CNTN4: variants seen among roughly 807,000 people sequenced by gnomAD.
The protein encoded by CNTN4 is contactin-4.
In CNTN4, 77 loss-of-function variants were observed where a neutral mutation model predicts 122.5. The ratio of observed to expected loss-of-function variants is 0.63; its 90% confidence interval spans 0.52 to 0.76. The LOEUF is 0.76. CNTN4 is among the 30% of genes least tolerant of loss of function. The probability of loss-of-function intolerance (pLI) is 0.00; values close to 1 mark genes in which losing one functional copy is unlikely to be tolerated. For synonymous variants in CNTN4, 512 were observed against 447.0 expected (o/e 1.15, Z -1.83); for missense variants, 1,256 against 1,259.1 (o/e 1.00, Z 0.04).
At position 2,844,044 on chromosome 3, in the gene CNTN4, A is replaced by G. The variant is rs2150552367; in HGVS notation, c.455-22708A>G. On this transcript the variant is annotated intron_variant, in intron 7 of 24. Coordinates refer to ENST00000418658, the MANE Select transcript of CNTN4 (RefSeq NM_175607.3). Reference sequence around the variant, plus strand: ...CCCACAACCCCCATCCTTCTGTTCCATATACTGTTTCTCAAAGACATGAAA... The same window carrying G: ...CCCACAACCCCCATCCTTCTGTTCCGTATACTGTTTCTCAAAGACATGAAA... 1.3e-5 allele frequency among the ~76,000 whole-genome samples: 2 copies of G among 152,204 alleles called. 1 individual carries two copies. The highest frequency in any genetic ancestry group is 4.2e-4 in the South Asian group (2 of 4,816).
At chr3:2,856,589 C>G (rs990570744) in intron 7 of CNTN4, among the ~76,000 whole-genome samples, 1 of 152,200 alleles carries the variant, frequency 6.6e-6, no homozygotes, top group Non-Finnish European at 1.5e-5. Flanking sequence ...AAACAGAGCT[C>G]TCTGCTTAAA....
chr3:3,036,157 A>T (rs1285818904), intron 17 of CNTN4, among the ~76,000 whole-genome samples: 1 of 152,218 alleles, frequency 6.6e-6, no homozygotes, highest in African/African-American at 2.4e-5. Flanking sequence ...ACAAAGATAC[A>T]CACTCCTCTA....
chr3:2,283,676 A>G (rs2041804053), intron 2 of CNTN4, among the ~76,000 whole-genome samples: 1 of 152,106 alleles, frequency 6.6e-6, no homozygotes, highest in Non-Finnish European at 1.5e-5. Context: ...AGCAGTAAGA[A>G]CTTTCATCTA....
intron 3 of CNTN4, among the ~76,000 whole-genome samples, chr3:2,467,358 C>A (rs2151477233): frequency 6.6e-6 from 1 of 152,138 alleles, no homozygotes; most frequent in African/African-American, 2.4e-5. Context: ...TTATATTTGC[C>A]CTTGGACAGT....
At chr3:2,714,447 C>T (rs2087354946) in intron 4 of CNTN4, among the ~76,000 whole-genome samples, 1 of 152,020 alleles carries the variant, frequency 6.6e-6, no homozygotes, top group South Asian at 2.1e-4. Context: ...GGAGATGTTT[C>T]ACTGGTTGGG....
intron 10 of CNTN4, among the ~76,000 whole-genome samples, chr3:2,895,995 C>G (rs779633128): frequency 6.6e-6 from 1 of 151,908 alleles, no homozygotes; most frequent in Non-Finnish European, 1.5e-5. Flanking sequence ...ATGGCGCCAC[C>G]GCACTCTGGT....
At chr3:2,622,735 T>G (rs1189064133) in intron 4 of CNTN4, among the ~76,000 whole-genome samples, 2 of 152,188 alleles carry the variant, frequency 1.3e-5, no homozygotes, top group Non-Finnish European at 2.9e-5. Context: ...AAAGCAACCA[T>G]GTAAGGATGT....
intron 6 of CNTN4, among the ~76,000 whole-genome samples, chr3:2,809,726 G>A (rs776048403): frequency 2.6e-5 from 4 of 152,142 alleles, no homozygotes; most frequent in African/African-American, 4.8e-5. Flanking sequence ...ACCCGTCTCC[G>A]AAGGAGAACA....
intron 2 of CNTN4, among the ~76,000 whole-genome samples, chr3:2,329,752 A>G (rs2043638794): frequency 6.6e-6 from 1 of 152,214 alleles, no homozygotes; most frequent in African/African-American, 2.4e-5. Context: ...TTTATTAAAA[A>G]CAGCCTTTGC....
intron 4 of CNTN4, among the ~76,000 whole-genome samples, chr3:2,684,588 AT>A (rs762670804): frequency 0.22 from 33,284 of 151,830 alleles, 6,541 homozygotes; most frequent in African/African-American, 0.53. Flanking sequence ...GGCTAATAAC[AT>A]TGGACCCTGA....
chr3:2,959,620 T>C (rs1161760495), intron 13 of CNTN4, among the ~76,000 whole-genome samples: 2 of 152,136 alleles, frequency 1.3e-5, no homozygotes, highest in African/African-American at 2.4e-5. Context: ...GCACATGTAA[T>C]TGAGAAATCT....
chr3:2,533,863 A>G (rs1464005019), intron 3 of CNTN4, among the ~76,000 whole-genome samples: 1 of 151,882 alleles, frequency 6.6e-6, no homozygotes, highest in Non-Finnish European at 1.5e-5. Context: ...ATGACCAGTG[A>G]TGATGAGCAT....
At chr3:2,842,336 C>G (rs533608185) in intron 7 of CNTN4, among the ~76,000 whole-genome samples, 110 of 152,240 alleles carry the variant, frequency 7.2e-4, no homozygotes, top group African/African-American at 2.5e-3. Context: ...CAAAATCTTC[C>G]AGGGCTCCAA....
chr3:3,050,913 C>G (rs1701203214), intron 23 of CNTN4, among the ~76,000 whole-genome samples: 1 of 152,132 alleles, frequency 6.6e-6, no homozygotes, highest in Non-Finnish European at 1.5e-5. Context: ...AATAACATTG[C>G]CTTCCTTAAG....
At chr3:2,482,529 C>G (rs2076034457) in intron 3 of CNTN4, among the ~76,000 whole-genome samples, 1 of 152,162 alleles carries the variant, frequency 6.6e-6, no homozygotes, top group Non-Finnish European at 1.5e-5. Context: ...AATGGGGAAA[C>G]TGTCCCCAGG....
At chr3:2,522,149 T>G (rs13093820) in intron 3 of CNTN4, among the ~76,000 whole-genome samples, 3,606 of 63,446 alleles carry the variant, frequency 0.057, 123 homozygotes, top group Middle Eastern at 0.096. Flanking sequence ...CCTAAGCAGT[T>G]TGTGTGTGTG....
chr3:2,671,652 G>A (rs1024278914), intron 4 of CNTN4, among the ~76,000 whole-genome samples: 1 of 152,158 alleles, frequency 6.6e-6, no homozygotes, highest in Non-Finnish European at 1.5e-5. Flanking sequence ...TCCTTTGGAG[G>A]AGGAGAGGCG....
rs906145437 is a variant in CNTN4, at chr3:2,224,925, T to C, written c.-144-114253T>C. On this transcript the variant is annotated intron_variant, in intron 2 of 24. Coordinates refer to ENST00000418658, the MANE Select transcript of CNTN4 (RefSeq NM_175607.3). The stretch of plus-strand genomic sequence containing the variant: ...CAGCATTTTGGGAGGCCGAGGCGGG[T>C]GGATCACGAGGTCAGGAGATGAAGA... Among the ~76,000 whole-genome samples, 28 of 151,094 alleles carry C rather than the reference T, an allele frequency of 1.9e-4. 1 individual carries two copies. The highest frequency in any genetic ancestry group is 1.8e-4 in the Non-Finnish European group (12 of 67,778).
At chr3:2,346,584 A>G (rs1316392698) in intron 3 of CNTN4, among the ~76,000 whole-genome samples, 7 of 152,040 alleles carry the variant, frequency 4.6e-5, no homozygotes, top group Admixed American at 4.6e-4. Flanking sequence ...TTATTTTTGA[A>G]TAATGTTAAG....
Sources: gnomAD v4.1 joint callset for allele counts (sites outside exome capture counted in the v4.1 genomes callset) on GRCh38, gnomAD v4.1.1 for gene constraint, MANE v1.5 for transcripts, NCBI Gene and HGNC (gene_info 2026-07-23, HGNC 2026-07-21) for gene names.